Variants in SPTLC2 observed in about 807,000 individuals in gnomAD.
The protein encoded by SPTLC2 is serine palmitoyltransferase long chain base subunit 2, also known as serine palmitoyltransferase 2.
Under a neutral mutation model 62.0 loss-of-function variants are expected in SPTLC2, and 21 were observed. The observed-to-expected ratio is 0.34, with a 90% confidence interval of 0.24 to 0.49. The LOEUF (loss-of-function observed/expected upper bound fraction) is 0.49, where lower values mean the gene tolerates loss of function less well. Among genes scored for constraint, SPTLC2 ranks in the 20% least tolerant of loss-of-function variants. The probability of loss-of-function intolerance (pLI) is 0.99; values close to 1 mark genes in which losing one functional copy is unlikely to be tolerated. For synonymous variants in SPTLC2, 261 were observed against 261.8 expected (o/e 1.00, Z 0.03); for missense variants, 511 against 713.0 (o/e 0.72, Z 3.23).
chr14:77,512,317 A>G lies in SPTLC2; in HGVS notation c.1656T>C (p.Phe552=), dbSNP rs2079336564. The G allele has an allele frequency of 1.9e-6, 3 of 1,614,210 alleles. No homozygotes were observed. The highest frequency in any genetic ancestry group is 1.7e-5 in the Admixed American group (1 of 60,022). The change falls in exon 12 of 12, where the codon TTT becomes TTC. Residue 552 remains phenylalanine (F), a synonymous_variant. Coordinates refer to ENST00000216484, the MANE Select transcript of SPTLC2 (RefSeq NM_004863.4). ...CTGTTTCTTCATACGTCGTCTCGTCAAAGGGCCTGTCCAGTAGAGGTACCA... is the reference window on the plus strand; with the variant it reads ...CTGTTTCTTCATACGTCGTCTCGTCGAAGGGCCTGTCCAGTAGAGGTACCA... ...HRLVPLLDRP[F]DETTYEETED is the part of the protein sequence containing the mutation.
intron 6 of SPTLC2, among the ~76,000 whole-genome samples, chr14:77,557,723 T>C (rs946916042): frequency 1.3e-5 from 2 of 152,194 alleles, no homozygotes; most frequent in Admixed American, 1.3e-4. Context: ...CATGTATAAG[T>C]CTGTGTGTTA....
At chr14:77,604,194 C>T (rs933705732) in intron 1 of SPTLC2, among the ~76,000 whole-genome samples, 1 of 152,114 alleles carries the variant, frequency 6.6e-6, no homozygotes, top group South Asian at 2.1e-4. Flanking sequence ...ACACCTCTGC[C>T]GAAAGAAATC....
chr14:77,555,846 T>G (rs1451111571), intron 7 of SPTLC2, among the ~76,000 whole-genome samples: 1 of 151,858 alleles, frequency 6.6e-6, no homozygotes, highest in African/African-American at 2.4e-5. Context: ...CTCGAACTCC[T>G]GGCCTCAAGT....
chr14:77,589,306 A>G (rs773285612), intron 2 of SPTLC2, among the ~76,000 whole-genome samples: 10 of 152,024 alleles, frequency 6.6e-5, no homozygotes, highest in Non-Finnish European at 1.3e-4. Context: ...CTGTCCATGA[A>G]AGCGCAGAAT....
chr14:77,567,448 T>C (rs1376556242), intron 5 of SPTLC2, among the ~76,000 whole-genome samples: 2 of 152,368 alleles, frequency 1.3e-5, no homozygotes, highest in East Asian at 1.9e-4. Flanking sequence ...AGCAACGTAT[T>C]ATAACGTGAA....
chr14:77,528,897 G>A (rs969820343), intron 9 of SPTLC2, among the ~76,000 whole-genome samples: 4 of 152,110 alleles, frequency 2.6e-5, no homozygotes, highest in African/African-American at 9.7e-5. Context: ...ATGCAATGGT[G>A]CAATCTTGGC....
At chr14:77,544,921 T>C (rs754040592) in intron 9 of SPTLC2, among the ~76,000 whole-genome samples, 1 of 152,132 alleles carries the variant, frequency 6.6e-6, no homozygotes, top group Admixed American at 6.6e-5. Context: ...TCTTAGTATT[T>C]TTCTATCTAC....
chr14:77,571,087 C>G (rs925428124), intron 4 of SPTLC2, among the ~76,000 whole-genome samples: 2 of 152,164 alleles, frequency 1.3e-5, no homozygotes, highest in Non-Finnish European at 2.9e-5. Flanking sequence ...AATTGCCTAT[C>G]CAATACCACA....
At chr14:77,512,559 A>C (rs1228159867) in intron 11 of SPTLC2, among the ~76,000 whole-genome samples, 156 bp from the exon 12 acceptor site, 2 of 152,200 alleles carry the variant, frequency 1.3e-5, no homozygotes, top group Non-Finnish European at 2.9e-5. Context: ...ACAGCTGTGG[A>C]AGGAGCTGCT....
At chr14:77,563,286 C>T (rs2079624910) in intron 5 of SPTLC2, among the ~76,000 whole-genome samples, 2 of 152,178 alleles carry the variant, frequency 1.3e-5, no homozygotes, top group Non-Finnish European at 2.9e-5. Flanking sequence ...ACAGTCATCC[C>T]TCAGTCTACA....
chr14:77,546,621 G>T (rs578015555), intron 9 of SPTLC2, among the ~76,000 whole-genome samples: 1 of 152,156 alleles, frequency 6.6e-6, no homozygotes, highest in African/African-American at 2.4e-5. Context: ...CCACTGGACT[G>T]TTTTTTCAAA....
chr14:77,570,898 GC>G (rs1389423578), intron 4 of SPTLC2, among the ~76,000 whole-genome samples: 3 of 99,832 alleles, frequency 3.0e-5, no homozygotes, highest in South Asian at 3.1e-4. Flanking sequence ...CAGAACATGG[GC>G]GGGGGGATGG....
At chr14:77,576,001 T>G (rs1026498036) in intron 4 of SPTLC2, among the ~76,000 whole-genome samples, 1 of 152,200 alleles carries the variant, frequency 6.6e-6, no homozygotes, top group Non-Finnish European at 1.5e-5. Flanking sequence ...GAAGGCTTCA[T>G]GTCTCCAGCC....
intron 5 of SPTLC2, among the ~76,000 whole-genome samples, chr14:77,564,400 T>C (rs370984240): frequency 8.6e-5 from 12 of 139,308 alleles, no homozygotes; most frequent in African/African-American, 2.2e-4. Flanking sequence ...TATGCATGCA[T>C]ACACACACAC....
intron 11 of SPTLC2, 59 bp from the exon 12 acceptor site, chr14:77,512,462 GGT>G: frequency 2.5e-6 from 4 of 1,612,776 alleles, no homozygotes; most frequent in Non-Finnish European, 3.4e-6. Flanking sequence ...AGGCATGCCT[GGT>G]GTTTTACTTT....
intron 2 of SPTLC2, among the ~76,000 whole-genome samples, chr14:77,585,861 C>CA (rs1246288339): frequency 6.6e-6 from 1 of 151,946 alleles, no homozygotes; most frequent in African/African-American, 2.4e-5. Context: ...ATCCACTGGC[C>CA]AAAAAAATGA....
intron 9 of SPTLC2, among the ~76,000 whole-genome samples, chr14:77,522,589 A>G (rs1165060329): frequency 6.6e-6 from 1 of 152,216 alleles, no homozygotes; most frequent in Non-Finnish European, 1.5e-5. Flanking sequence ...TCTGTCTGCA[A>G]TTGCCAACTG....
chr14:77,520,917 G>C (rs2139994623), intron 10 of SPTLC2, among the ~76,000 whole-genome samples: 1 of 152,322 alleles, frequency 6.6e-6, no homozygotes, highest in South Asian at 2.1e-4. Context: ...TCTGTACTGT[G>C]GCCTTTGCAC....
chr14:77,547,218 C>T (rs2079533555), intron 9 of SPTLC2, among the ~76,000 whole-genome samples: 1 of 151,274 alleles, frequency 6.6e-6, no homozygotes, highest in Admixed American at 6.6e-5. Context: ...GGCAGAAAGT[C>T]ACAAAACAGG....
Sources: gnomAD v4.1 joint callset for allele counts (sites outside exome capture counted in the v4.1 genomes callset) on GRCh38, gnomAD v4.1.1 for gene constraint, MANE v1.5 for transcripts, NCBI Gene and HGNC (gene_info 2026-07-23, HGNC 2026-07-21) for gene names.